Variants in OR51B5 observed in about 807,000 individuals in gnomAD.
OR51B5 encodes the protein olfactory receptor family 51 subfamily B member 5.
For synonymous variants in OR51B5, 186 were observed against 144.8 expected (o/e 1.28, Z -2.04); for missense variants, 456 against 374.6 (o/e 1.22, Z -1.79).
intron 1 of OR51B5, among the ~76,000 whole-genome samples, chr11:5,472,669 A>G (rs2251225): frequency 0.14 from 21,854 of 152,208 alleles, 1,734 homozygotes; most frequent in East Asian, 0.2. Context: ...GAGAATGAAG[A>G]CTGGCTTGTC....
intron 1 of OR51B5, among the ~76,000 whole-genome samples, chr11:5,359,170 A>G (rs1167929276): frequency 6.6e-6 from 1 of 151,910 alleles, no homozygotes; most frequent in Non-Finnish European, 1.5e-5. Flanking sequence ...AAGGAAAAAA[A>G]GGTATTCAAT....
At chr11:5,485,098 C>G (rs577731795) in intron 1 of OR51B5, among the ~76,000 whole-genome samples, 92 of 152,242 alleles carry the variant, frequency 6.0e-4, no homozygotes, top group African/African-American at 2.1e-3. Context: ...AAGTCAGAAG[C>G]AGATTTCCCA....
intron 1 of OR51B5, among the ~76,000 whole-genome samples, chr11:5,353,495 A>G (rs1027169780): frequency 6.6e-6 from 1 of 152,106 alleles, no homozygotes; most frequent in African/African-American, 2.4e-5. Flanking sequence ...AGGAAGGGAG[A>G]GGATGGAGGC....
chr11:5,472,044 C>A (rs1851237308), intron 1 of OR51B5, among the ~76,000 whole-genome samples: 2 of 152,126 alleles, frequency 1.3e-5, no homozygotes, highest in Non-Finnish European at 2.9e-5. Flanking sequence ...ACCATTTTAT[C>A]CACCATCTAT....
chr11:5,464,742 A>G (rs1851111589), intron 1 of OR51B5, among the ~76,000 whole-genome samples: 1 of 152,184 alleles, frequency 6.6e-6, no homozygotes, highest in Non-Finnish European at 1.5e-5. Flanking sequence ...TGCCACAATA[A>G]ACATACGTGT....
intron 1 of OR51B5, among the ~76,000 whole-genome samples, chr11:5,451,505 T>A (rs7120894): frequency 6.6e-6 from 1 of 152,002 alleles, no homozygotes; most frequent in African/African-American, 2.4e-5. Context: ...ATATGCAGAC[T>A]GAGCTCTAAG....
At chr11:5,440,599 G>A in intron 1 of OR51B5, 1 of 1,613,420 alleles carries the variant, frequency 6.2e-7, no homozygotes. Context: ...AAGAACTTGA[G>A]AATCCCTTTG....
exon 1 of OR51B5, chr11:5,505,581 C>A: frequency 2.3e-6 from 2 of 860,690 alleles, no homozygotes; most frequent in Non-Finnish European, 3.1e-6. Flanking sequence ...TTCCACATAG[C>A]TGGGGAGGCC....
intron 1 of OR51B5, among the ~76,000 whole-genome samples, chr11:5,406,570 G>A (rs1027914125): frequency 9.2e-5 from 14 of 152,134 alleles, no homozygotes; most frequent in Middle Eastern, 3.2e-3. Flanking sequence ...AAAGTTATAA[G>A]TCGTTATATT....
chr11:5,383,095 T>C (rs1027659492), intron 1 of OR51B5, among the ~76,000 whole-genome samples: 5 of 152,062 alleles, frequency 3.3e-5, no homozygotes, highest in Non-Finnish European at 7.4e-5. Flanking sequence ...CAAGACTATT[T>C]TTTTTTTTCT....
chr11:5,498,983 C>G lies in OR51B5; in HGVS notation n.84+6586G>C, dbSNP rs185262944. Among the ~76,000 whole-genome samples, 950 of 152,298 alleles carry G rather than the reference C, an allele frequency of 6.2e-3. 9 individuals are homozygous for G. Among genetic ancestry groups the G allele is most frequent in the African/African-American group, 0.022 (898 of 41,562 alleles). ...CTGGGATGCATTAATCATAGATTGT[C>G]CCACAGGTCAGGGAGCTATTATTCC... On this transcript the variant is annotated intron_variant and non_coding_transcript_variant, in intron 1 of 4. Transcript: ENST00000415970.
upstream of OR51B5, among the ~76,000 whole-genome samples, chr11:5,347,772 GGGAGAGAGGGAAGAGA>G (rs1303880184): frequency 3.3e-5 from 5 of 152,130 alleles, no homozygotes; most frequent in Non-Finnish European, 5.9e-5. Context: ...GAAGGAGGTA[GGGAGAGAGGGAAGAGA>G]GGAGGGAGCA....
intron 1 of OR51B5, among the ~76,000 whole-genome samples, chr11:5,369,499 A>T (rs1271320841): frequency 2.0e-5 from 3 of 152,182 alleles, no homozygotes; most frequent in Admixed American, 6.6e-5. Flanking sequence ...TGAGACATTT[A>T]AAAAAGTATA....
intron 1 of OR51B5, among the ~76,000 whole-genome samples, chr11:5,400,187 C>T (rs1396123922): frequency 6.6e-6 from 1 of 152,192 alleles, no homozygotes; most frequent in African/African-American, 2.4e-5. Context: ...ACATAGCCCA[C>T]AGCACAGAGC....
intron 1 of OR51B5, chr11:5,389,681 G>C (rs749236572): frequency 1.3e-5 from 21 of 1,613,438 alleles, no homozygotes; most frequent in Non-Finnish European, 1.7e-5. Context: ...CACCACTATG[G>C]GGATCTTCTG....
chr11:5,408,023 A>T (rs1191615724), intron 1 of OR51B5, among the ~76,000 whole-genome samples: 6 of 152,150 alleles, frequency 3.9e-5, no homozygotes, highest in Non-Finnish European at 7.4e-5. Flanking sequence ...CCCCAAAAAC[A>T]TATTTTCACA....
At chr11:5,441,509 C>A (rs764001183) in intron 1 of OR51B5, 12 of 1,610,018 alleles carry the variant, frequency 7.5e-6, no homozygotes, top group Admixed American at 3.3e-5. Flanking sequence ...CATTGAGACC[C>A]AGCATGGTGG....
At chr11:5,396,693 G>A (rs1849877386) in intron 1 of OR51B5, among the ~76,000 whole-genome samples, 1 of 151,690 alleles carries the variant, frequency 6.6e-6, no homozygotes, top group Non-Finnish European at 1.5e-5. Flanking sequence ...CACAGAATTG[G>A]AAAAAACTAC....
chr11:5,420,990 T>A (rs1245699694), intron 1 of OR51B5, among the ~76,000 whole-genome samples: 3 of 152,202 alleles, frequency 2.0e-5, no homozygotes, highest in African/African-American at 7.2e-5. Context: ...AGCTTCGGAG[T>A]ACTTATAGAA....
Sources: allele counts gnomAD v4.1 joint callset (sites outside exome capture counted in the v4.1 genomes callset), GRCh38; gene constraint gnomAD v4.1.1; transcripts MANE v1.5; gene names NCBI Gene and HGNC (gene_info 2026-07-23, HGNC 2026-07-21).